STEAP1B: variants seen among roughly 807,000 people sequenced by gnomAD.
The protein encoded by STEAP1B is STEAP family protein MGC87042.
A neutral mutation model predicts 27.9 loss-of-function variants in STEAP1B; 13 were observed. The ratio of observed to expected loss-of-function variants is 0.47; its 90% CI spans 0.30 to 0.74. The LOEUF is 0.74. Among genes scored for constraint, STEAP1B ranks in the 30% least tolerant of loss-of-function variants. The probability of loss-of-function intolerance (pLI) is 0.06; values close to 1 mark genes in which losing one functional copy is unlikely to be tolerated. For missense variants in STEAP1B, 250 were observed against 298.7 expected, an observed-to-expected ratio of 0.84 and a Z score of 1.20; for synonymous variants, 86 against 107.1, an observed-to-expected ratio of 0.80 and a Z score of 1.22.
intron 1 of STEAP1B, among the ~76,000 whole-genome samples, chr7:22,498,132 C>A (rs1225764722): frequency 2.0e-5 from 3 of 152,222 alleles, no homozygotes; most frequent in Non-Finnish European, 2.9e-5. Context: ...TGCTCGCTGG[C>A]CTGCCACTCC....
intron 1 of STEAP1B, among the ~76,000 whole-genome samples, chr7:22,497,215 A>T (rs1033688830): frequency 1.3e-5 from 2 of 152,194 alleles, no homozygotes; most frequent in African/African-American, 4.8e-5. Flanking sequence ...ATTCTCTGAT[A>T]TTTATATATG....
chr7:22,496,127 G>T (rs1158764974), intron 1 of STEAP1B, among the ~76,000 whole-genome samples: 2 of 152,122 alleles, frequency 1.3e-5, no homozygotes, highest in East Asian at 3.9e-4. Flanking sequence ...TCCTGACCCT[G>T]GGTAGGCCTA....
At chr7:22,456,972 A>ATATTTTTTTTTTTTTTTTTTTT in intron 4 of STEAP1B, among the ~76,000 whole-genome samples, 2 of 57,082 alleles carry the variant, frequency 3.5e-5, no homozygotes, top group East Asian at 1.3e-3. Context: ...ATATATATAT[A>ATATTTTTTTTTTTTTTTTTTTT]TTTTTTTTTT....
At chr7:22,487,738 G>A (rs1334901876) in intron 4 of STEAP1B, among the ~76,000 whole-genome samples, 1 of 147,010 alleles carries the variant, frequency 6.8e-6, no homozygotes, top group African/African-American at 2.5e-5. Flanking sequence ...CTGGGAGGCG[G>A]AGGTTACGAT....
chr7:22,464,230 C>T (rs7789466), intron 4 of STEAP1B, among the ~76,000 whole-genome samples: 1 of 152,182 alleles, frequency 6.6e-6, no homozygotes, highest in African/African-American at 2.4e-5. Flanking sequence ...TTATCACCTG[C>T]AATGAGAAAT....
At chr7:22,493,014 GAGA>G (rs1217649645) in intron 3 of STEAP1B, among the ~76,000 whole-genome samples, 2 of 152,172 alleles carry the variant, frequency 1.3e-5, no homozygotes, top group Non-Finnish European at 2.9e-5. Flanking sequence ...GGTAAACAAG[GAGA>G]AGAACAACAA....
At chr7:22,491,144 C>T (rs913970384) in intron 4 of STEAP1B, among the ~76,000 whole-genome samples, 3 of 152,186 alleles carry the variant, frequency 2.0e-5, no homozygotes, top group Non-Finnish European at 4.4e-5. Context: ...GAGTATCTTT[C>T]TAATTACTGA....
rs141589950 is a variant in STEAP1B at position 22,432,490 on chromosome 7, C to T, written c.763-12654G>A. ...ACTTGGGAGGCTAAGGTGGGAGGAT[C>T]GCTTGAGCCCTGGAGGCAGAGGTTG... On this transcript the variant is annotated intron_variant, in intron 4 of 4. Coordinates refer to ENST00000678116, the MANE Select transcript of STEAP1B (RefSeq NM_001382447.1). Among the ~76,000 whole-genome samples the T allele has an allele frequency of 5.3e-3, 813 of 152,198 alleles. 6 individuals carry two copies. Among genetic ancestry groups the T allele is most frequent in the African/African-American group, 0.018 (765 of 41,514 alleles).
At chr7:22,446,355 A>T (rs560227881) in intron 4 of STEAP1B, among the ~76,000 whole-genome samples, 2 of 152,358 alleles carry the variant, frequency 1.3e-5, no homozygotes, top group South Asian at 4.1e-4. Flanking sequence ...ACAATGCCCT[A>T]TGCCAGTGGT....
intron 4 of STEAP1B, among the ~76,000 whole-genome samples, chr7:22,432,239 G>A (rs1454513208): frequency 6.6e-6 from 1 of 152,018 alleles, no homozygotes; most frequent in Non-Finnish European, 1.5e-5. Flanking sequence ...CTCTAGAACT[G>A]TGAGAAATAA....
chr7:22,469,916 T>C (rs1385862855), intron 4 of STEAP1B, among the ~76,000 whole-genome samples: 2 of 152,236 alleles, frequency 1.3e-5, no homozygotes, highest in South Asian at 2.1e-4. Flanking sequence ...TGCTGGACTG[T>C]AGTTAGTTAT....
At chr7:22,450,367 G>C (rs544371864) in intron 4 of STEAP1B, among the ~76,000 whole-genome samples, 2 of 152,102 alleles carry the variant, frequency 1.3e-5, no homozygotes, top group East Asian at 3.8e-4. Flanking sequence ...TGAGAGATAG[G>C]GGTCTAGTTT....
chr7:22,440,594 G>A (rs1055204462), intron 4 of STEAP1B, among the ~76,000 whole-genome samples: 1 of 152,144 alleles, frequency 6.6e-6, no homozygotes, highest in Non-Finnish European at 1.5e-5. Flanking sequence ...TTCAGCATCT[G>A]TAGAGAGAGT....
rs191081378 is a variant in STEAP1B at position 22,481,582 on chromosome 7, C to A, written c.762+10983G>T. Among the ~76,000 whole-genome samples the A allele has an allele frequency of 2.9e-3, 446 of 152,310 alleles. 2 individuals carry two copies. The highest frequency in any genetic ancestry group is 2.3e-3 in the Non-Finnish European group (159 of 68,032). ...TCAGAACCTGTATTTTAACAAGATC[C>A]CTGCGTTGGTTTGCACATTAGAGTT... On this transcript the variant is annotated intron_variant, in intron 4 of 4. Transcript: ENST00000678116.
chr7:22,482,414 G>A (rs1259273957), intron 4 of STEAP1B, among the ~76,000 whole-genome samples: 4 of 152,178 alleles, frequency 2.6e-5, no homozygotes, highest in East Asian at 1.9e-4. Flanking sequence ...AAATTTTGTT[G>A]GCTATCTGAA....
intron 4 of STEAP1B, among the ~76,000 whole-genome samples, chr7:22,473,599 G>C (rs1237300580): frequency 6.6e-6 from 1 of 152,214 alleles, no homozygotes; most frequent in Admixed American, 6.5e-5. Context: ...AAAACAGCCA[G>C]ATTTTCTGGA....
In STEAP1B at chr7:22,435,949, C is replaced by T. The variant is rs538416781; in HGVS notation, c.763-16113G>A. ...TGCCATCTCTCAAGCTGAGCCACTGCGTGGGCAGAACACGGTCTGGTGGAC... is the reference window on the plus strand; with the variant it reads ...TGCCATCTCTCAAGCTGAGCCACTGTGTGGGCAGAACACGGTCTGGTGGAC... On this transcript the variant is annotated intron_variant, in intron 4 of 4. Transcript: ENST00000678116. Among the ~76,000 whole-genome samples the T allele has an allele frequency of 5.3e-5, 8 of 152,324 alleles. No individual in the cohort carries two copies. The East Asian group carries it at 9.6e-4, about 18-fold the overall frequency.
chr7:22,467,945 A>T (rs530050101), intron 4 of STEAP1B, among the ~76,000 whole-genome samples: 179 of 152,328 alleles, frequency 1.2e-3, no homozygotes, highest in African/African-American at 3.9e-3. Context: ...TCCTCTTGAG[A>T]CTAAGCTGAG....
chr7:22,485,314 A>G (rs1265221776), intron 4 of STEAP1B, among the ~76,000 whole-genome samples: 17 of 152,202 alleles, frequency 1.1e-4, no homozygotes. Flanking sequence ...CTCCACCCTA[A>G]TCAGTCAGCA....
Sources: allele counts gnomAD v4.1 joint callset (sites outside exome capture counted in the v4.1 genomes callset), GRCh38; gene constraint gnomAD v4.1.1; transcripts MANE v1.5; gene names NCBI Gene and HGNC (gene_info 2026-07-23, HGNC 2026-07-21).